Variants in MLIP observed in about 807,000 individuals in gnomAD.
MLIP encodes muscular LMNA interacting protein.
In MLIP, 79 loss-of-function variants were observed where a neutral mutation model predicts 84.8. That is an observed-to-expected ratio of 0.93 (90% confidence interval 0.78 to 1.12). MLIP has a LOEUF of 1.12. Ranked by LOEUF, MLIP falls within the 50% of genes most tolerant of loss-of-function variation. The probability of loss-of-function intolerance (pLI) is 0.00; values close to 1 mark genes in which losing one functional copy is unlikely to be tolerated. For synonymous variants in MLIP, 504 were observed against 463.0 expected (o/e 1.09, Z -1.14); for missense variants, 1,257 against 1,160.6 (o/e 1.08, Z -1.21).
chr6:54,027,372 AATACACACACAC>A (rs1429830854), intron 1 of MLIP, among the ~76,000 whole-genome samples: 3 of 86,428 alleles, frequency 3.5e-5, no homozygotes, highest in East Asian at 6.8e-4. Flanking sequence ...GAATAAAAAA[AATACACACACAC>A]ACACACACAC....
intron 13 of MLIP, 122 bp downstream of exon 13, chr6:54,257,483 C>T: frequency 1.5e-6 from 1 of 675,262 alleles, no homozygotes; most frequent in Non-Finnish European, 2.5e-6. Flanking sequence ...AGAATTATTA[C>T]TAACTGTTTC....
intron 9 of MLIP, among the ~76,000 whole-genome samples, chr6:54,182,483 T>G (rs1447589678): frequency 6.6e-6 from 1 of 152,198 alleles, no homozygotes; most frequent in Non-Finnish European, 1.5e-5. Flanking sequence ...GTACTATGAT[T>G]GCTCACCTAA....
At chr6:54,069,690 T>A (rs1215255031) in intron 1 of MLIP, among the ~76,000 whole-genome samples, 5 of 99,946 alleles carry the variant, frequency 5.0e-5, no homozygotes, top group African/African-American at 1.3e-4. Flanking sequence ...CAATTTTTTT[T>A]TTCTGAATAT....
At chr6:54,036,678 G>C (rs954752517) in intron 1 of MLIP, among the ~76,000 whole-genome samples, 2 of 151,848 alleles carry the variant, frequency 1.3e-5, no homozygotes, top group African/African-American at 4.8e-5. Flanking sequence ...ACAATATGGA[G>C]GTTCCTAAAA....
intron 1 of MLIP, among the ~76,000 whole-genome samples, chr6:54,100,700 CCATT>C (rs1336206012): frequency 1.3e-5 from 2 of 152,062 alleles, no homozygotes; most frequent in African/African-American, 2.4e-5. Flanking sequence ...AGGCACACAA[CCATT>C]CATTCATTCA....
intron 10 of MLIP, among the ~76,000 whole-genome samples, chr6:54,190,766 G>A (rs1028620165): frequency 1.3e-5 from 2 of 150,352 alleles, no homozygotes; most frequent in Non-Finnish European, 3.0e-5. Context: ...CATGAAATAA[G>A]TTTCCGAGAT....
chr6:54,147,779 G>A (rs1371569373), intron 4 of MLIP, among the ~76,000 whole-genome samples: 1 of 152,180 alleles, frequency 6.6e-6, no homozygotes, highest in African/African-American at 2.4e-5. Flanking sequence ...AAGTGAGCAT[G>A]TATTTGTGGG....
Position 54,111,447 on chromosome 6 carries a change from A to T in MLIP, c.-33A>T, listed in dbSNP as rs939393332. 1.7e-5 allele frequency: 26 copies of T among 1,535,600 alleles called. No homozygotes were observed. Among genetic ancestry groups the T allele is most frequent in the Non-Finnish European group, 2.3e-5 (26 of 1,146,660 alleles). ...ATGAGGCTCCCTTCCCACCTCAGTC[A>T]TTGGTTTGCTCGCTCCCTTATGTGA... On this transcript the variant is annotated 5_prime_UTR_variant, in exon 1 of 14. Transcript: ENST00000502396.
chr6:54,215,781 C>G (rs1779815097), intron 11 of MLIP: 1 of 152,306 alleles, frequency 6.6e-6, no homozygotes, highest in Non-Finnish European at 1.5e-5. Context: ...CACTTAAATC[C>G]CTTATTAAGA....
At chr6:54,088,828 A>G (rs1454398766) in intron 1 of MLIP, among the ~76,000 whole-genome samples, 2 of 152,190 alleles carry the variant, frequency 1.3e-5, no homozygotes, top group African/African-American at 4.8e-5. Flanking sequence ...CCACCAGCAC[A>G]TATGCATGAT....
chr6:54,038,001 G>A (rs1764540660), intron 1 of MLIP, among the ~76,000 whole-genome samples: 3 of 151,888 alleles, frequency 2.0e-5, no homozygotes, highest in Middle Eastern at 3.4e-3. Context: ...CAATATATAT[G>A]CAGTTCAGAA....
At chr6:54,063,776 T>C (rs979771246) in intron 1 of MLIP, among the ~76,000 whole-genome samples, 2 of 151,634 alleles carry the variant, frequency 1.3e-5, no homozygotes, top group African/African-American at 2.4e-5. Flanking sequence ...TTAGTACGTA[T>C]AGTAATAAAA....
At chr6:54,072,064 C>A (rs113344839) in intron 1 of MLIP, among the ~76,000 whole-genome samples, 1 of 152,072 alleles carries the variant, frequency 6.6e-6, no homozygotes, top group Non-Finnish European at 1.5e-5. Context: ...GCTTTAGTGG[C>A]GAAAAGGTCT....
chr6:54,237,642 C>T (rs1040688793), intron 12 of MLIP, among the ~76,000 whole-genome samples: 1 of 145,864 alleles, frequency 6.9e-6, no homozygotes, highest in African/African-American at 2.6e-5. Flanking sequence ...GCCCAGGAGC[C>T]AGAGACCAGC....
chr6:54,185,533 A>G (rs1212381848), intron 9 of MLIP, among the ~76,000 whole-genome samples: 2 of 152,160 alleles, frequency 1.3e-5, no homozygotes, highest in Non-Finnish European at 1.5e-5. Flanking sequence ...AATATGTTTG[A>G]GCCTTTTCTC....
intron 9 of MLIP, among the ~76,000 whole-genome samples, chr6:54,180,866 C>T (rs1021636821): frequency 1.4e-4 from 22 of 151,986 alleles, no homozygotes; most frequent in African/African-American, 3.9e-4. Flanking sequence ...TTGTTTTATG[C>T]GGTTATGTTT....
upstream of MLIP, chr6:54,111,410 T>A: frequency 6.5e-7 from 1 of 1,529,564 alleles, no homozygotes; most frequent in Non-Finnish European, 8.7e-7. Flanking sequence ...AGTGTGTGTG[T>A]GTTGTTTTAG....
At chr6:54,050,383 T>A (rs1395844261) in intron 1 of MLIP, among the ~76,000 whole-genome samples, 1 of 152,182 alleles carries the variant, frequency 6.6e-6, no homozygotes, top group Non-Finnish European at 1.5e-5. Context: ...CATGTACATG[T>A]ACAGATATAC....
chr6:54,248,617 TGTCTAGAAGGTG>T (rs141895976), intron 12 of MLIP, among the ~76,000 whole-genome samples: 1,535 of 152,250 alleles, frequency 0.01, 29 homozygotes, highest in African/African-American at 0.035. Context: ...CTTACACTGA[TGTCTAGAAGGTG>T]GTCTTTGGAA....
Sources: gnomAD v4.1 joint callset for allele counts (sites outside exome capture counted in the v4.1 genomes callset) on GRCh38, gnomAD v4.1.1 for gene constraint, MANE v1.5 for transcripts, NCBI Gene and HGNC (gene_info 2026-07-23, HGNC 2026-07-21) for gene names.